The following PPP4R3A variants were observed in gnomAD, a reference collection of about 807,000 sequenced individuals.
PPP4R3A encodes serine/threonine-protein phosphatase 4 regulatory subunit 3A.
PPP4R3A carries 15 observed loss-of-function variants against 91.7 expected under a neutral mutation model. The observed-to-expected ratio is 0.16, with a 90% CI of 0.11 to 0.25. The LOEUF is 0.25. Ranked by LOEUF, PPP4R3A falls within the 10% of genes least tolerant of loss-of-function variation. PPP4R3A has a pLI of 1.00. For synonymous variants in PPP4R3A, 377 were observed against 348.7 expected (o/e 1.08, Z -0.91); for missense variants, 623 against 998.4 (o/e 0.62, Z 5.07).
chr14:91,495,660 A>G (rs771961063), intron 1 of PPP4R3A, among the ~76,000 whole-genome samples: 1 of 152,108 alleles, frequency 6.6e-6, no homozygotes, highest in Non-Finnish European at 1.5e-5. Flanking sequence ...TACATTTTGA[A>G]TTGGTGAATT....
chr14:91,461,345 G>T, intron 14 of PPP4R3A, 36 bp downstream of exon 14: 1 of 1,574,582 alleles, frequency 6.4e-7, no homozygotes, highest in South Asian at 1.1e-5. Context: ...GCTTCAATTG[G>T]GAAAAAAGGG....
chr14:91,485,975 T>C (rs1431368214), intron 2 of PPP4R3A, among the ~76,000 whole-genome samples: 1 of 152,192 alleles, frequency 6.6e-6, no homozygotes, highest in African/African-American at 2.4e-5. Flanking sequence ...TTTTCATGCA[T>C]TGCAAAAGAT....
At chr14:91,491,968 TG>T (rs774202265) in intron 1 of PPP4R3A, among the ~76,000 whole-genome samples, 5 of 152,136 alleles carry the variant, frequency 3.3e-5, no homozygotes, top group Non-Finnish European at 7.4e-5. Context: ...CCTCCCAAAG[TG>T]CTGGGACTAC....
rs1169808726 is a variant in PPP4R3A at position 91,457,542 on chromosome 14, T to G, written c.*1217A>C. 1 of 152,512 alleles carries G rather than the reference T, an allele frequency of 6.6e-6. No individual in the cohort carries two copies. Among genetic ancestry groups the G allele is most frequent in the Non-Finnish European group, 1.5e-5 (1 of 68,002 alleles). The allele number at this position is 152,512 out of a possible 1,614,324, so 9.4% of individuals were successfully genotyped here. A position where few individuals can be genotyped will look rare whatever the true frequency, so the allele number is the denominator to read the frequency against. ...CAGGTATTTATTTAGAAACCACCACTTACAAGTCAAACTGGTATTCCAAAG... is the reference window on the plus strand; with the variant it reads ...CAGGTATTTATTTAGAAACCACCACGTACAAGTCAAACTGGTATTCCAAAG... On this transcript the variant is annotated 3_prime_UTR_variant, in exon 15 of 15. Transcript: ENST00000554943.
At chr14:91,507,367 CTATAATTATATATACTA>C (rs1891379153) in intron 1 of PPP4R3A, among the ~76,000 whole-genome samples, 1 of 62,336 alleles carries the variant, frequency 1.6e-5, no homozygotes, top group Non-Finnish European at 3.1e-5. Context: ...AGTATATATA[CTATAATTATATATACTA>C]TATAGTATAT....
At chr14:91,494,940 A>G (rs1262728342) in intron 1 of PPP4R3A, among the ~76,000 whole-genome samples, 3 of 152,224 alleles carry the variant, frequency 2.0e-5, no homozygotes, top group African/African-American at 4.8e-5. Context: ...AGACAAGACA[A>G]TAACAAGCGG....
chr14:91,472,190 C>CTAAA (rs1888888072), intron 9 of PPP4R3A, among the ~76,000 whole-genome samples: 1 of 151,826 alleles, frequency 6.6e-6, no homozygotes. Context: ...CACACGCACG[C>CTAAA]TAAAGCTCTA....
chr14:91,476,787 A>G (rs969422835), intron 5 of PPP4R3A, 122 bp downstream of exon 5: 38 of 825,042 alleles, frequency 4.6e-5, no homozygotes, highest in Non-Finnish European at 6.2e-5. Context: ...GGCTGGTCTC[A>G]AACTTCTGAC....
chr14:91,507,892 C>G (rs971801874), intron 1 of PPP4R3A, among the ~76,000 whole-genome samples: 2 of 151,866 alleles, frequency 1.3e-5, no homozygotes, highest in Non-Finnish European at 2.9e-5. Context: ...GAGGCCGAGG[C>G]GGGTGGACTG....
intron 9 of PPP4R3A, among the ~76,000 whole-genome samples, chr14:91,472,178 C>T (rs572032083): frequency 9.9e-5 from 15 of 151,374 alleles, no homozygotes; most frequent in Middle Eastern, 3.4e-3. Context: ...ATTAAACACA[C>T]GCACACGCAC....
chr14:91,492,955 G>A (rs927328330), intron 1 of PPP4R3A, among the ~76,000 whole-genome samples: 22 of 152,134 alleles, frequency 1.4e-4, no homozygotes, highest in African/African-American at 4.6e-4. Context: ...GGCCAGGTGC[G>A]GTGGCTCACA....
At chr14:91,501,282 T>C (rs1890933243) in intron 1 of PPP4R3A, among the ~76,000 whole-genome samples, 1 of 152,166 alleles carries the variant, frequency 6.6e-6, no homozygotes, top group Non-Finnish European at 1.5e-5. Flanking sequence ...CTGATTTGGA[T>C]AAATACTGAA....
In PPP4R3A at chr14:91,476,647, C is replaced by A. The variant is rs191327061; in HGVS notation, c.994-123G>T. On this transcript the variant is annotated intron_variant, in intron 5 of 14. Coordinates refer to ENST00000554943, the MANE Select transcript of PPP4R3A (RefSeq NM_001366432.2). ...ATGGCACGATCTTGGCTCACTGCAA[C>A]CTCCACCTCCCGAGTTCAAGCGATT... is the stretch of plus-strand genomic sequence containing the variant. The A allele has an allele frequency of 4.4e-4, 310 of 711,142 alleles. No individual in the cohort carries two copies. In the African/African-American group the frequency reaches 5.0e-3, roughly 11 times the overall value. The allele number at this position is 711,142 out of a possible 1,614,324, so 44.1% of individuals were successfully genotyped here.
intron 11 of PPP4R3A, 123 bp downstream of exon 11, chr14:91,465,127 G>A: frequency 1.4e-6 from 1 of 721,000 alleles, no homozygotes; most frequent in South Asian, 3.2e-5. Context: ...CAGGCTTTTA[G>A]TACTTTTTTT....
intron 7 of PPP4R3A, chr14:91,474,658 C>T (rs546171644): frequency 1.5e-4 from 23 of 149,572 alleles, no homozygotes; most frequent in African/African-American, 4.7e-4. Flanking sequence ...GGTCTGGCTT[C>T]GTCACCCAGA....
At chr14:91,507,536 CTATAT>C (rs1307908490) in intron 1 of PPP4R3A, among the ~76,000 whole-genome samples, 5 of 112,262 alleles carry the variant, frequency 4.5e-5, no homozygotes, top group Non-Finnish European at 7.0e-5. Context: ...GTTATATATA[CTATAT>C]ATTATATATA....
intron 14 of PPP4R3A, among the ~76,000 whole-genome samples, chr14:91,459,765 G>A (rs1488741040): frequency 2.0e-5 from 3 of 151,680 alleles, no homozygotes; most frequent in Admixed American, 6.5e-5. Flanking sequence ...AATCTGGAAG[G>A]TGGAGATTGC....
At chr14:91,477,210 T>C (rs1889267886) in intron 4 of PPP4R3A, among the ~76,000 whole-genome samples, 1 of 151,208 alleles carries the variant, frequency 6.6e-6, no homozygotes, top group African/African-American at 2.4e-5. Flanking sequence ...AGGTAGTAAA[T>C]ATTTTGAGCT....
chr14:91,510,008 C>T lies in PPP4R3A; in HGVS notation c.-361G>A. The T allele has an allele frequency of 1.0e-6, 1 of 963,812 alleles. No individual in the cohort carries two copies. Among genetic ancestry groups the T allele is most frequent in the Non-Finnish European group, 1.2e-6 (1 of 806,302 alleles). 59.7% of individuals were successfully genotyped at this position (963,812 alleles called of 1,614,324 possible). ...CGCCTCCGCCATGATCTCCGCGAAG[C>T]AGCTTCCCGCGCCGCCGCCGCCTCC... On this transcript the variant is annotated 5_prime_UTR_variant, in exon 1 of 15. Transcript: ENST00000554943.
Sources: allele counts gnomAD v4.1 joint callset (sites outside exome capture counted in the v4.1 genomes callset), GRCh38; gene constraint gnomAD v4.1.1; transcripts MANE v1.5; gene names NCBI Gene and HGNC (gene_info 2026-07-23, HGNC 2026-07-21).